SPDYE18: variants seen among roughly 807,000 people sequenced by gnomAD.
SPDYE18 encodes speedy/RINGO cell cycle regulator family member E18, also known as speedy protein E18.
A neutral mutation model predicts 44.9 loss-of-function variants in SPDYE18; 6 were observed. The ratio of observed to expected loss-of-function variants is 0.13; its 90% CI spans 0.07 to 0.26. The LOEUF (loss-of-function observed/expected upper bound fraction) is 0.26. SPDYE18 is among the 10% of genes least tolerant of loss of function. The probability of loss-of-function intolerance (pLI) is 1.00; values close to 1 mark genes in which losing one functional copy is unlikely to be tolerated. For missense variants in SPDYE18, 121 were observed against 463.2 expected, an observed-to-expected ratio of 0.26 and a Z score of 6.78; for synonymous variants, 35 against 177.1, an observed-to-expected ratio of 0.20 and a Z score of 6.37.
Position 77,050,944 on chromosome 7 carries a change from AC to A in SPDYE18, c.*980del, listed in dbSNP as rs1323628293. Among the ~76,000 whole-genome samples the A allele has an allele frequency of 3.4e-5, 5 of 148,832 alleles. No individual in the cohort carries two copies. Among genetic ancestry groups the A allele is most frequent in the East Asian group, 1.9e-4 (1 of 5,152 alleles). Reference sequence around the variant, plus strand: ...TAAATATTTCAATAAATAAAATAATACTTAAATAATTCTATACCCATGTTTT... The same window carrying A: ...TAAATATTTCAATAAATAAAATAATATTAAATAATTCTATACCCATGTTTT... On this transcript the variant is annotated 3_prime_UTR_variant, in exon 9 of 9. Transcript: ENST00000510091.
chr7:77,058,590 T>C (rs1428594790), intron 3 of SPDYE18, among the ~76,000 whole-genome samples: 1 of 135,942 alleles, frequency 7.4e-6, no homozygotes. Flanking sequence ...CAAAGCAACC[T>C]CTTCCACCTG....
chr7:77,051,262 G>A lies in SPDYE18; in HGVS notation c.*663C>T, dbSNP rs561683736. Among the ~76,000 whole-genome samples, 1 of 151,250 alleles carries A rather than the reference G, an allele frequency of 6.6e-6. No individual in the cohort carries two copies. The highest frequency in any genetic ancestry group is 1.5e-5 in the Non-Finnish European group (1 of 67,976). On this transcript the variant is annotated 3_prime_UTR_variant, in exon 9 of 9. Coordinates refer to ENST00000510091, the MANE Select transcript of SPDYE18 (RefSeq NM_001394953.1). Reference sequence around the variant, plus strand: ...TAAAATATTTAGGATAAAAAGAATTGTCTCTTAAAAATGAAAAGAAAATTA... The same window carrying A: ...TAAAATATTTAGGATAAAAAGAATTATCTCTTAAAAATGAAAAGAAAATTA...
At chr7:77,059,492 G>C in intron 2 of SPDYE18, 94 bp from the exon 3 acceptor site, 1 of 1,478,768 alleles carries the variant, frequency 6.8e-7, no homozygotes, top group Non-Finnish European at 8.8e-7. Flanking sequence ...ATCCTCCCCA[G>C]ACTCGCAGAC....
At position 77,050,784 on chromosome 7, in the gene SPDYE18, A is replaced by T. The variant is rs1789774261; in HGVS notation, c.*1141T>A. On this transcript the variant is annotated 3_prime_UTR_variant, in exon 9 of 9. Transcript: ENST00000510091. ...TAAAAAGGAAAACAAAATTATATGT[A>T]TGTGTATATAATAGTTATAACACCC... Among the ~76,000 whole-genome samples, 1 of 151,930 alleles carries T rather than the reference A, an allele frequency of 6.6e-6. No individual in the cohort carries two copies. The highest frequency in any genetic ancestry group is 2.4e-5 in the African/African-American group (1 of 41,458).
chr7:77,060,283 C>T, intron 2 of SPDYE18, 70 bp downstream of exon 2: 1 of 1,530,614 alleles, frequency 6.5e-7, no homozygotes, highest in Non-Finnish European at 8.7e-7. Context: ...AGGCGTGAGC[C>T]ACCGCACCCG....
At chr7:77,058,566 G>GC (rs921473914) in intron 3 of SPDYE18, among the ~76,000 whole-genome samples, 8 of 141,596 alleles carry the variant, frequency 5.6e-5, no homozygotes, top group Admixed American at 4.5e-4. Context: ...GAATGCAGTG[G>GC]CGCTATCTTG....
Position 77,051,674 on chromosome 7 carries a change from A to C in SPDYE18, c.*251T>G, listed in dbSNP as rs1460508635. ...CACTCCTGTTTTCTTACTTTTCTCCAAGGACTCCTAGAAGGACCCCACCCC... is the reference window on the plus strand; with the variant it reads ...CACTCCTGTTTTCTTACTTTTCTCCCAGGACTCCTAGAAGGACCCCACCCC... On this transcript the variant is annotated 3_prime_UTR_variant, in exon 9 of 9. Coordinates refer to ENST00000510091, the MANE Select transcript of SPDYE18 (RefSeq NM_001394953.1). Among the ~76,000 whole-genome samples the C allele has an allele frequency of 1.9e-4, 29 of 151,486 alleles. No homozygotes were observed. Among genetic ancestry groups the C allele is most frequent in the African/African-American group, 7.0e-4 (29 of 41,486 alleles).
At chr7:77,054,583 G>A (rs538045722) in intron 6 of SPDYE18, among the ~76,000 whole-genome samples, 2 of 152,250 alleles carry the variant, frequency 1.3e-5, no homozygotes, top group Admixed American at 6.5e-5. Context: ...GAACCCAGAG[G>A]AGGTCGATGG....
chr7:77,062,154 C>T (rs1450734864), intron 1 of SPDYE18, among the ~76,000 whole-genome samples: 3 of 143,196 alleles, frequency 2.1e-5, no homozygotes, highest in African/African-American at 4.9e-5. Context: ...CGAGTGAGTT[C>T]CCACACGTTT....
chr7:77,057,418 A>C (rs3972506), intron 4 of SPDYE18, among the ~76,000 whole-genome samples: 1 of 149,382 alleles, frequency 6.7e-6, no homozygotes, highest in Admixed American at 6.7e-5. Context: ...CATCTGGCCC[A>C]AAACCAAGCT....
chr7:77,060,393 G>C lies in SPDYE18; in HGVS notation c.120C>G (p.Pro40=), dbSNP rs906083687. 1.3e-6 allele frequency: 2 copies of C among 1,535,382 alleles called. No homozygotes were observed. Among genetic ancestry groups the C allele is most frequent in the African/African-American group, 2.7e-5 (2 of 72,920 alleles). Reference sequence around the variant, plus strand: ...CTTCATCATCCACCACCTCCTGGAGGGGGTACCCCGAGGTGCTCCGCTGGA... The same window carrying C: ...CTTCATCATCCACCACCTCCTGGAGCGGGTACCCCGAGGTGCTCCGCTGGA... ...QSLQRSTSGY[P]LQEVVDDEVL... is the part of the protein sequence containing the mutation. Residue 40 remains proline, a synonymous_variant, in exon 2 of 9, where the codon CCC becomes CCG. Transcript: ENST00000510091.
At chr7:77,058,075 A>C (rs879060130) in intron 3 of SPDYE18, among the ~76,000 whole-genome samples, 5 of 113,986 alleles carry the variant, frequency 4.4e-5, no homozygotes, top group Non-Finnish European at 6.9e-5. Flanking sequence ...TCCTCAGAAC[A>C]CTTCCTCATA....
At chr7:77,055,960 C>G (rs1211617303) in intron 5 of SPDYE18, among the ~76,000 whole-genome samples, 1 of 143,912 alleles carries the variant, frequency 6.9e-6, no homozygotes, top group Non-Finnish European at 1.5e-5. Flanking sequence ...TGGCATGTGC[C>G]TAGTCCCAGC....
At chr7:77,058,116 C>CTTTTTTTTTTTTT (rs375559743) in intron 3 of SPDYE18, among the ~76,000 whole-genome samples, 11 of 62,200 alleles carry the variant, frequency 1.8e-4, no homozygotes, top group South Asian at 9.2e-4. Context: ...CTCTGAGTCT[C>CTTTTTTTTTTTTT]TTTTTTTTTT....
At chr7:77,062,453 C>G (rs542507519) in intron 1 of SPDYE18, among the ~76,000 whole-genome samples, 43 bp downstream of exon 1, 1 of 152,060 alleles carries the variant, frequency 6.6e-6, no homozygotes, top group South Asian at 2.1e-4. Context: ...CTGATTTAAC[C>G]CATCTTCAAG....
intron 3 of SPDYE18, among the ~76,000 whole-genome samples, chr7:77,058,594 C>G (rs1789968883): frequency 6.9e-6 from 1 of 144,384 alleles, no homozygotes; most frequent in African/African-American, 2.5e-5. Flanking sequence ...GCAACCTCTT[C>G]CACCTGGGTT....
At position 77,051,631 on chromosome 7, in the gene SPDYE18, A is replaced by G. The variant is rs572613532; in HGVS notation, c.*294T>C. ...ATAGAAAGGGTGGTGGTGCCGCAGGAAAGGGTGGAACTGGAAACACTCCTG... is the reference window on the plus strand; with the variant it reads ...ATAGAAAGGGTGGTGGTGCCGCAGGGAAGGGTGGAACTGGAAACACTCCTG... On this transcript the variant is annotated 3_prime_UTR_variant, in exon 9 of 9. Coordinates refer to ENST00000510091, the MANE Select transcript of SPDYE18 (RefSeq NM_001394953.1). Among the ~76,000 whole-genome samples the G allele has an allele frequency of 6.6e-6, 1 of 152,362 alleles. No individual in the cohort carries two copies. Among genetic ancestry groups the G allele is most frequent in the African/African-American group, 2.4e-5 (1 of 41,608 alleles).
chr7:77,060,277 G>A (rs945015469), intron 2 of SPDYE18, 76 bp downstream of exon 2: 35 of 1,528,392 alleles, frequency 2.3e-5, no homozygotes, highest in African/African-American at 8.2e-5. Context: ...GGTTACAGGC[G>A]TGAGCCACCG....
chr7:77,062,467 G>A (rs898244161), intron 1 of SPDYE18, among the ~76,000 whole-genome samples, 29 bp downstream of exon 1: 2 of 152,072 alleles, frequency 1.3e-5, no homozygotes, highest in African/African-American at 4.8e-5. Context: ...CTTCAAGCCT[G>A]GTTTGATGGA....
Sources: gnomAD v4.1 joint callset for allele counts (sites outside exome capture counted in the v4.1 genomes callset) on GRCh38, gnomAD v4.1.1 for gene constraint, MANE v1.5 for transcripts, NCBI Gene and HGNC (gene_info 2026-07-23, HGNC 2026-07-21) for gene names.